WIPI1: variants seen among roughly 807,000 people sequenced by gnomAD.
WIPI1 encodes WD repeat domain, phosphoinositide interacting 1, also known as WD repeat domain phosphoinositide-interacting protein 1.
Under a neutral mutation model 55.3 loss-of-function variants are expected in WIPI1, and 45 were observed. The observed-to-expected ratio is 0.81, with a 90% confidence interval of 0.64 to 1.04. WIPI1 has a LOEUF of 1.04. WIPI1 is among the 50% of genes least tolerant of loss of function. WIPI1 has a pLI of 0.00. For missense variants in WIPI1, 445 were observed against 559.0 expected, an observed-to-expected ratio of 0.80 and a Z score of 2.06; for synonymous variants, 195 against 217.6, an observed-to-expected ratio of 0.90 and a Z score of 0.92.
At chr17:68,452,885 T>A (rs1343624447) in intron 2 of WIPI1, 25 bp downstream of exon 2, 10 of 1,607,670 alleles carry the variant, frequency 6.2e-6, no homozygotes, top group Non-Finnish European at 8.5e-6. Context: ...TGCAGATCCC[T>A]GAGGTCTCTC....
chr17:68,432,001 T>C (rs2083551312), intron 8 of WIPI1, among the ~76,000 whole-genome samples: 1 of 152,230 alleles, frequency 6.6e-6, no homozygotes, highest in South Asian at 2.1e-4. Flanking sequence ...AGATGATGAA[T>C]TAAGGCTCCA....
intron 7 of WIPI1, 56 bp downstream of exon 7, chr17:68,434,500 G>A (rs372075392): frequency 8.0e-5 from 127 of 1,578,030 alleles, no homozygotes; most frequent in Admixed American, 1.2e-4. Context: ...AGCTGCCAGC[G>A]GTCCCTGCGG....
intron 4 of WIPI1, among the ~76,000 whole-genome samples, chr17:68,438,533 C>T (rs1440288108): frequency 2.6e-5 from 4 of 152,298 alleles, no homozygotes; most frequent in African/African-American, 7.2e-5. Flanking sequence ...CAAGGACTAG[C>T]GTACCAAACT....
rs76882149 is a variant in WIPI1, at chr17:68,435,937, G to T, written c.529-225C>A. On this transcript the variant is annotated intron_variant, in intron 5 of 12. Coordinates refer to ENST00000262139, the MANE Select transcript of WIPI1 (RefSeq NM_017983.7). ...CCATCCCTTTTCCTGCCCTTGGGAA[G>T]GTGGCCACGAACGGAGCACCTGATG... Among the ~76,000 whole-genome samples the T allele has an allele frequency of 4.1e-4, 62 of 152,380 alleles. No homozygotes were observed. The East Asian group carries it at 0.011, about 28-fold the overall frequency.
intron 12 of WIPI1, among the ~76,000 whole-genome samples, chr17:68,424,034 A>G (rs1476807185): frequency 6.6e-6 from 1 of 152,178 alleles, no homozygotes; most frequent in Admixed American, 6.5e-5. Context: ...TGGATCCTGG[A>G]AGCCTCGACT....
At chr17:68,434,805 A>C (rs1944619809) in intron 6 of WIPI1, among the ~76,000 whole-genome samples, 179 bp from the exon 7 acceptor site, 1 of 152,236 alleles carries the variant, frequency 6.6e-6, no homozygotes, top group Admixed American at 6.5e-5. Context: ...GGAAAATGTT[A>C]TAAACACCCT....
chr17:68,454,843 G>A (rs1169512757), intron 1 of WIPI1, among the ~76,000 whole-genome samples: 1 of 152,104 alleles, frequency 6.6e-6, no homozygotes. Context: ...TCAAACATAA[G>A]CCCTGCTCCT....
chr17:68,427,452 G>GTTCAAGCGATTCTCCTGCC (rs1258071538), intron 10 of WIPI1, 199 bp from the exon 11 acceptor site: 4 of 389,436 alleles, frequency 1.0e-5, no homozygotes, highest in African/African-American at 8.4e-5. Flanking sequence ...CGCCTCCTGG[G>GTTCAAGCGATTCTCCTGCC]TTCAAGCGAT....
Position 68,430,119 on chromosome 17 carries a change from T to C in WIPI1, c.842A>G (p.Lys281Arg). ...GTAGTTGGTAGCAGCCATAAACATC[T>C]TTCCCATGTAGCCACTCCAGGTCGA... ...EPSTWSGYMG[K>R]MFMAATNYLP... The change falls in exon 9 of 13, where the codon AAG becomes AGG. Residue 281 changes from lysine to arginine, a missense_variant. Transcript: ENST00000262139. 1.9e-6 allele frequency: 3 copies of C among 1,614,074 alleles called. No homozygotes were observed. The highest frequency in any genetic ancestry group is 2.5e-6 in the Non-Finnish European group (3 of 1,180,014).
rs753441222 is a variant in WIPI1, at chr17:68,428,886, TA to T, written c.1015del (p.Tyr339IlefsTer15). The T allele has an allele frequency of 2.5e-6, 4 of 1,614,018 alleles. No homozygotes were observed. In the African/African-American group the frequency reaches 5.3e-5, roughly 22 times the overall value. ...ATCCTGAGGATCCAAATTGTACATATAAAGGTGTCCACTGGATGACGCAACT... is the reference window on the plus strand; with the variant it reads ...ATCCTGAGGATCCAAATTGTACATATAAGGTGTCCACTGGATGACGCAACT... ...LLVASSSGHLYMYNLDPQDGG... is the reference protein window; with the variant it reads ...LLVASSSGHLXMYNLDPQDGG... On this transcript the variant is annotated frameshift_variant, in exon 10 of 13. Transcript: ENST00000262139. LOFTEE classifies it high-confidence loss of function.
chr17:68,437,161 G>A (rs186510712), intron 4 of WIPI1, among the ~76,000 whole-genome samples: 1 of 152,188 alleles, frequency 6.6e-6, no homozygotes, highest in Non-Finnish European at 1.5e-5. Flanking sequence ...TTCCTATAGT[G>A]AAAAGTCAGT....
chr17:68,422,728 T>A (rs1600230299), intron 12 of WIPI1: 1 of 68,596 alleles, frequency 1.5e-5, no homozygotes, highest in Non-Finnish European at 2.6e-5. Flanking sequence ...GACTCTATCA[T>A]CTCAAAAAAA....
In WIPI1 at chr17:68,427,599, C is replaced by T. The variant is rs150669647; in HGVS notation, c.1074-346G>A. 390 of 179,602 alleles carry T rather than the reference C, an allele frequency of 2.2e-3. 2 individuals carry two copies. Among genetic ancestry groups the T allele is most frequent in the African/African-American group, 8.9e-3 (372 of 41,974 alleles). The allele number at this position is 179,602 out of a possible 1,614,324, so 11.1% of individuals were successfully genotyped here. A position where few individuals can be genotyped will look rare whatever the true frequency, so the allele number is the denominator to read the frequency against. On this transcript the variant is annotated intron_variant, in intron 10 of 12. Coordinates refer to ENST00000262139, the MANE Select transcript of WIPI1 (RefSeq NM_017983.7). ...CTCGAACTCCTGACCTCAGGTGATC[C>T]GCCCGCCAACTCTGTGGGTTTAAAT...
intron 4 of WIPI1, among the ~76,000 whole-genome samples, chr17:68,441,309 G>A (rs997389160): frequency 6.6e-5 from 10 of 152,220 alleles, no homozygotes; most frequent in African/African-American, 2.4e-4. Context: ...TTACAGCTGC[G>A]TTAGATACCA....
At position 68,427,731 on chromosome 17, in the gene WIPI1, G is replaced by A. The variant is rs574304492; in HGVS notation, c.1074-478C>T. On this transcript the variant is annotated intron_variant, in intron 10 of 12. Coordinates refer to ENST00000262139, the MANE Select transcript of WIPI1 (RefSeq NM_017983.7). ...TGGCCTCTTTCTCTTACATTGGCTA[G>A]ACAAAGATTAGTCCTCTGCTCTTCC... 5.3e-5 allele frequency among the ~76,000 whole-genome samples: 8 copies of A among 152,330 alleles called. No homozygotes were observed. In the South Asian group the frequency reaches 1.7e-3, roughly 32 times the overall value.
intron 12 of WIPI1, among the ~76,000 whole-genome samples, chr17:68,424,750 A>G (rs77235869): frequency 0.04 from 6,148 of 152,252 alleles, 246 homozygotes; most frequent in South Asian, 0.19. Flanking sequence ...GGTGGCGCAC[A>G]TCTGTAATTG....
chr17:68,442,114 A>G (rs541644299), intron 4 of WIPI1, among the ~76,000 whole-genome samples: 13 of 152,324 alleles, frequency 8.5e-5, no homozygotes. Flanking sequence ...GCAGAAAGTA[A>G]GGCAACCAGT....
intron 5 of WIPI1, 152 bp downstream of exon 5, chr17:68,436,230 G>C (rs1461850007): frequency 4.4e-6 from 3 of 688,188 alleles, no homozygotes; most frequent in Non-Finnish European, 7.6e-6. Context: ...AAGCCCGAGG[G>C]GAAATAGTAT....
chr17:68,449,947 G>C (rs746016628), intron 3 of WIPI1, among the ~76,000 whole-genome samples: 3 of 152,162 alleles, frequency 2.0e-5, no homozygotes, highest in Non-Finnish European at 4.4e-5. Context: ...GGAGATGGAG[G>C]CTGCAGTGAG....
Sources: allele counts gnomAD v4.1 joint callset (sites outside exome capture counted in the v4.1 genomes callset), GRCh38; gene constraint gnomAD v4.1.1; transcripts MANE v1.5; gene names NCBI Gene and HGNC (gene_info 2026-07-23, HGNC 2026-07-21).